The following PGM2L1 variants were observed in gnomAD, a reference collection of about 807,000 sequenced individuals.
PGM2L1 encodes phosphoglucomutase 2 like 1.
In PGM2L1, 35 loss-of-function variants were observed where a neutral mutation model predicts 73.4. That is an observed-to-expected ratio of 0.48 (90% CI 0.36 to 0.63). PGM2L1 has a LOEUF of 0.63. Ranked by LOEUF, PGM2L1 falls within the 30% of genes least tolerant of loss-of-function variation. The probability of loss-of-function intolerance (pLI) is 0.00; values close to 1 mark genes in which losing one functional copy is unlikely to be tolerated. For missense variants in PGM2L1, 570 were observed against 742.0 expected, an observed-to-expected ratio of 0.77 and a Z score of 2.69; for synonymous variants, 225 against 253.8, an observed-to-expected ratio of 0.89 and a Z score of 1.08.
intron 6 of PGM2L1, 77 bp downstream of exon 6, chr11:74,351,306 C>CT (rs1269050916): frequency 1.7e-5 from 23 of 1,352,700 alleles, no homozygotes; most frequent in Non-Finnish European, 2.3e-5. Flanking sequence ...ATAGACAACA[C>CT]TTTTTATCAC....
At chr11:74,340,492 T>C (rs1862166793) in intron 12 of PGM2L1, among the ~76,000 whole-genome samples, 1 of 152,174 alleles carries the variant, frequency 6.6e-6, no homozygotes, top group Non-Finnish European at 1.5e-5. Flanking sequence ...AAATGGAATA[T>C]GGGTACTATT....
intron 13 of PGM2L1, 64 bp downstream of exon 13, chr11:74,338,404 A>G: frequency 7.2e-7 from 1 of 1,390,646 alleles, no homozygotes; most frequent in South Asian, 1.6e-5. Flanking sequence ...CGTGAGCTGT[A>G]TGGTATGTGA....
At chr11:74,343,452 T>C (rs1862214523) in intron 9 of PGM2L1, 36 bp from the exon 10 acceptor site, 1 of 1,596,542 alleles carries the variant, frequency 6.3e-7, no homozygotes, top group Middle Eastern at 1.7e-4. Context: ...GTTAAGTGAC[T>C]GTCTCACAAA....
chr11:74,353,872 T>TCCCAGAGGGGGCGGCC (rs1862400022), intron 5 of PGM2L1, among the ~76,000 whole-genome samples: 1 of 16,896 alleles, frequency 5.9e-5, no homozygotes, highest in Non-Finnish European at 1.1e-4. Flanking sequence ...ATGGGGTGGC[T>TCCCAGAGGGGGCGGCC]GCCGGGCGGG....
intron 1 of PGM2L1, among the ~76,000 whole-genome samples, chr11:74,384,625 A>C (rs1447018592): frequency 2.0e-5 from 3 of 152,050 alleles, no homozygotes; most frequent in Admixed American, 6.6e-5. Flanking sequence ...ATAATTTGGA[A>C]ACTAAGATGA....
chr11:74,357,972 T>C (rs1862488111), intron 5 of PGM2L1, among the ~76,000 whole-genome samples: 1 of 152,070 alleles, frequency 6.6e-6, no homozygotes, highest in African/African-American at 2.4e-5. Context: ...AAGGCAAAAC[T>C]ATGGAGACAG....
intron 1 of PGM2L1, among the ~76,000 whole-genome samples, chr11:74,387,503 GCACAATACATA>G (rs1439791290): frequency 7.2e-5 from 11 of 152,132 alleles, no homozygotes; most frequent in Non-Finnish European, 1.5e-4. Flanking sequence ...CACCATAGTA[GCACAATACATA>G]CGCTATACTT....
intron 5 of PGM2L1, chr11:74,355,553 CAA>C (rs547652950): frequency 0.052 from 5,799 of 112,360 alleles, 96 homozygotes; most frequent in African/African-American, 0.19. Context: ...GACTCCGTCT[CAA>C]AAAAAAAAAA....
Position 74,336,738 on chromosome 11 carries a change from CCAGTAAAG to C in PGM2L1, c.1775_1782del (p.Ala592GlyfsTer9). 1 of 1,609,000 alleles carries C rather than the reference CCAGTAAAG, an allele frequency of 6.2e-7. No individual in the cohort carries two copies. Among genetic ancestry groups the C allele is most frequent in the Non-Finnish European group, 8.5e-7 (1 of 1,176,572 alleles). On this transcript the variant is annotated frameshift_variant, in exon 14 of 14. Transcript: ENST00000298198. LOFTEE classifies it high-confidence loss of function. ...TCAATGAGTTTCTTCAGTTCTTCCT[CCAGTAAAG>C]CAGTGTCACTGAGGAAAAGATGAAG...
In PGM2L1 at chr11:74,354,570, T is replaced by C. The variant is rs1862413167; in HGVS notation, c.556-2994A>G. The C allele has an allele frequency of 5.3e-6, 6 of 1,134,570 alleles. No individual in the cohort carries two copies. The South Asian group carries it at 6.1e-5, about 12-fold the overall frequency. The allele number at this position is 1,134,570 out of a possible 1,614,324, so 70.3% of individuals were successfully genotyped here. ...GAGCAATGGGAATGCTCACGAACTG[T>C]GTGGTAATGAAAGACCCAAACACCA... On this transcript the variant is annotated intron_variant, in intron 5 of 13. Transcript: ENST00000298198.
rs745676247 is a variant in PGM2L1 at position 74,371,695 on chromosome 11, A to G, written c.386+16T>C. On this transcript the variant is annotated intron_variant, in intron 3 of 13. Transcript: ENST00000298198. ...ATTCTATTTCAACTTAATCTTTGAAACAATTAACTTTGTACCTCTGGCTGC... is the reference window on the plus strand; with the variant it reads ...ATTCTATTTCAACTTAATCTTTGAAGCAATTAACTTTGTACCTCTGGCTGC... 1 of 1,597,538 alleles carries G rather than the reference A, an allele frequency of 6.3e-7. No homozygotes were observed. Among genetic ancestry groups the G allele is most frequent in the Non-Finnish European group, 8.6e-7 (1 of 1,165,162 alleles).
At chr11:74,365,949 C>G (rs1172730310) in intron 5 of PGM2L1, among the ~76,000 whole-genome samples, 1 of 152,176 alleles carries the variant, frequency 6.6e-6, no homozygotes, top group Non-Finnish European at 1.5e-5. Context: ...ATAGCAAAGA[C>G]TTGGAACCAA....
rs953361499 is a variant in PGM2L1 at position 74,398,058 on chromosome 11, C to T, written c.104G>A (p.Trp35Ter). 7 of 1,607,946 alleles carry T rather than the reference C, an allele frequency of 4.4e-6. No homozygotes were observed. The highest frequency in any genetic ancestry group is 5.9e-6 in the Non-Finnish European group (7 of 1,176,572). The stretch of plus-strand genomic sequence containing the variant: ...GGCTGACCAGGTACCCACCTTATCC[C>T]AGCGGAGCCACTGCCCGATGGCCGT... ...LDTAIGQWLR[W>*]DKNPKTKEQI... The change falls in exon 1 of 14, where the codon TGG (tryptophan) becomes TAG (stop). Residue 35 changes from tryptophan to a stop codon, truncating the protein, a stop_gained. Coordinates refer to ENST00000298198, the MANE Select transcript of PGM2L1 (RefSeq NM_173582.6). LOFTEE classifies it high-confidence loss of function.
At chr11:74,364,197 T>G (rs1476533700) in intron 5 of PGM2L1, among the ~76,000 whole-genome samples, 1 of 152,104 alleles carries the variant, frequency 6.6e-6, no homozygotes, top group Non-Finnish European at 1.5e-5. Flanking sequence ...ATAAATTAGG[T>G]ATTAATGGGA....
intron 2 of PGM2L1, 55 bp from the exon 3 acceptor site, chr11:74,371,872 A>T: frequency 7.2e-7 from 1 of 1,392,532 alleles, no homozygotes; most frequent in Non-Finnish European, 1.0e-6. Flanking sequence ...ATTTCATATG[A>T]CTCAGAATCT....
At chr11:74,356,144 G>C (rs571755757) in intron 5 of PGM2L1, among the ~76,000 whole-genome samples, 1 of 152,068 alleles carries the variant, frequency 6.6e-6, no homozygotes, top group African/African-American at 2.4e-5. Context: ...AATTCCTTCA[G>C]GGTGATGCCA....
intron 5 of PGM2L1, among the ~76,000 whole-genome samples, chr11:74,363,511 G>T (rs939255332): frequency 6.6e-6 from 1 of 151,724 alleles, no homozygotes; most frequent in Non-Finnish European, 1.5e-5. Flanking sequence ...AGAATCAAAT[G>T]GACACAATAA....
chr11:74,382,127 G>A (rs1022567225), intron 1 of PGM2L1, among the ~76,000 whole-genome samples: 1 of 152,178 alleles, frequency 6.6e-6, no homozygotes, highest in Non-Finnish European at 1.5e-5. Context: ...TGGAGAATGA[G>A]AGTGTATTTA....
rs566951233 is a variant in PGM2L1 at position 74,351,539 on chromosome 11, T to C, written c.593A>G (p.His198Arg). 1.9e-6 allele frequency: 3 copies of C among 1,612,326 alleles called. No individual in the cohort carries two copies. Among genetic ancestry groups the C allele is most frequent in the Admixed American group, 3.4e-5 (2 of 59,676 alleles). ...WETGAQITSP[H>R]DKEILKCIEE... The stretch of plus-strand genomic sequence containing the variant: ...TATACATTTTAGAATTTCTTTATCA[T>C]GAGGAGATGTGATCTGAGCACCAGT... The change falls in exon 6 of 14, where the codon CAT (histidine) becomes CGT (arginine). Residue 198 changes from histidine (H) to arginine (R), a missense_variant. Coordinates refer to ENST00000298198, the MANE Select transcript of PGM2L1 (RefSeq NM_173582.6).
Sources: gnomAD v4.1 joint callset for allele counts (sites outside exome capture counted in the v4.1 genomes callset) on GRCh38, gnomAD v4.1.1 for gene constraint, MANE v1.5 for transcripts, NCBI Gene and HGNC (gene_info 2026-07-23, HGNC 2026-07-21) for gene names.